Variants in RIN2 observed in about 807,000 individuals in gnomAD.
The protein encoded by RIN2 is RAB5 interacting protein 2.
A neutral mutation model predicts 78.0 loss-of-function variants in RIN2; 36 were observed. That is an observed-to-expected ratio of 0.46 (90% CI 0.35 to 0.61). The LOEUF (loss-of-function observed/expected upper bound fraction) is 0.61, where lower values mean the gene tolerates loss of function less well. Ranked by LOEUF, RIN2 falls within the 20% of genes least tolerant of loss-of-function variation. RIN2 has a pLI of 0.00. For synonymous variants in RIN2, 466 were observed against 466.8 expected, an observed-to-expected ratio of 1.00 and a Z score of 0.02; for missense variants, 1,087 against 1,159.7, an observed-to-expected ratio of 0.94 and a Z score of 0.91.
At position 19,975,222 on chromosome 20, in the gene RIN2, C is replaced by G; in HGVS notation, c.1197C>G (p.Ala399=). The G allele has an allele frequency of 6.3e-7, 1 of 1,588,840 alleles. No homozygotes were observed. The highest frequency in any genetic ancestry group is 1.1e-5 in the South Asian group (1 of 88,832). ...ELGTAGSPGG[A]PPEAAPGDCT... ...GCACAGCTGGCAGCCCAGGTGGGGC[C>G]CCGCCTGAGGCCGCCCCGGGGGATT... The change falls in exon 9 of 13, where the codon GCC becomes GCG. Residue 399 remains alanine, a synonymous_variant. Transcript: ENST00000255006. The surrounding 1 kb of genome is among the most constrained non-coding windows in gnomAD (Gnocchi z 4.9).
chr20:19,941,291 C>T (rs1418156250), intron 4 of RIN2, among the ~76,000 whole-genome samples: 2 of 152,176 alleles, frequency 1.3e-5, no homozygotes, highest in African/African-American at 4.8e-5. Flanking sequence ...TTGTTCACTT[C>T]TTCACTTGCC....
At chr20:19,812,213 T>G (rs1409945018) in intron 2 of RIN2, among the ~76,000 whole-genome samples, 1 of 152,224 alleles carries the variant, frequency 6.6e-6, no homozygotes, top group Non-Finnish European at 1.5e-5. Flanking sequence ...ATATTTTCAC[T>G]TCTCTTGAGT....
chr20:19,838,994 G>A (rs1215445601), intron 2 of RIN2, among the ~76,000 whole-genome samples: 2 of 152,120 alleles, frequency 1.3e-5, no homozygotes, highest in Non-Finnish European at 2.9e-5. Context: ...ATCCATGAGT[G>A]GACCAACCTG....
chr20:19,938,460 A>G (rs920989899), intron 4 of RIN2, among the ~76,000 whole-genome samples: 4 of 151,956 alleles, frequency 2.6e-5, no homozygotes, highest in African/African-American at 4.8e-5. Flanking sequence ...CCTAGGCTCA[A>G]GGGATCCTCC....
intron 2 of RIN2, among the ~76,000 whole-genome samples, chr20:19,813,125 C>T (rs74807831): frequency 6.6e-6 from 1 of 152,172 alleles, no homozygotes; most frequent in Admixed American, 6.5e-5. Context: ...AGTGGCCTCT[C>T]GGACAGTCAG....
intron 9 of RIN2, among the ~76,000 whole-genome samples, chr20:19,982,338 G>A (rs141902426): frequency 2.0e-5 from 3 of 152,246 alleles, no homozygotes; most frequent in African/African-American, 7.2e-5. Context: ...ATTCAGACTT[G>A]GCATCTGACC....
At chr20:19,990,862 A>G (rs1338415926) in intron 10 of RIN2, among the ~76,000 whole-genome samples, 1 of 152,230 alleles carries the variant, frequency 6.6e-6, no homozygotes, top group African/African-American at 2.4e-5. Context: ...ATGAGGCCTC[A>G]TTAGAGCCGC....
chr20:19,808,757 G>A (rs1449676748), intron 2 of RIN2, among the ~76,000 whole-genome samples: 1 of 152,228 alleles, frequency 6.6e-6, no homozygotes, highest in Non-Finnish European at 1.5e-5. Flanking sequence ...CTCAGCTGCT[G>A]CTGGCCCCCT....
chr20:19,970,277 T>G (rs972538160), intron 7 of RIN2, among the ~76,000 whole-genome samples: 1 of 152,224 alleles, frequency 6.6e-6, no homozygotes, highest in African/African-American at 2.4e-5. Flanking sequence ...TATCTGTACA[T>G]TAGAGAAGCT....
chr20:19,854,238 T>C (rs1323394834), intron 2 of RIN2, among the ~76,000 whole-genome samples: 1 of 152,222 alleles, frequency 6.6e-6, no homozygotes, highest in East Asian at 1.9e-4. Flanking sequence ...CATTGGTCTA[T>C]ATCTCTGTTT....
chr20:19,860,870 T>A (rs1006351643), intron 2 of RIN2, among the ~76,000 whole-genome samples: 1 of 152,156 alleles, frequency 6.6e-6, no homozygotes, highest in Non-Finnish European at 1.5e-5. Flanking sequence ...AATGAATGAC[T>A]AAGTGAACGA....
intron 1 of RIN2, among the ~76,000 whole-genome samples, chr20:19,782,874 G>A (rs149846421): frequency 8.5e-5 from 13 of 152,326 alleles, no homozygotes; most frequent in Non-Finnish European, 1.6e-4. Context: ...GGTGTTTGAC[G>A]GTTTGACTGC....
intron 11 of RIN2, among the ~76,000 whole-genome samples, chr20:19,995,963 C>T (rs2042948979): frequency 6.6e-6 from 1 of 152,298 alleles, no homozygotes; most frequent in Middle Eastern, 3.4e-3. Flanking sequence ...TTTCCCCCCA[C>T]CTCCCCGTCA....
intron 11 of RIN2, among the ~76,000 whole-genome samples, chr20:19,996,331 A>C (rs531262598): frequency 1.1e-4 from 17 of 152,236 alleles, no homozygotes; most frequent in African/African-American, 2.9e-4. Context: ...AACAAACAAA[A>C]AAACAAACAA....
chr20:19,930,569 G>A (rs865877545), intron 3 of RIN2, among the ~76,000 whole-genome samples: 19 of 152,230 alleles, frequency 1.2e-4, no homozygotes, highest in African/African-American at 4.1e-4. Flanking sequence ...AATGTACCCA[G>A]TGACGGGGCT....
chr20:19,892,668 C>T (rs895722091), intron 3 of RIN2, among the ~76,000 whole-genome samples: 1 of 152,264 alleles, frequency 6.6e-6, no homozygotes, highest in African/African-American at 2.4e-5. Flanking sequence ...TGAGCCACCG[C>T]ACCCAGCCTC....
intron 2 of RIN2, among the ~76,000 whole-genome samples, chr20:19,842,683 A>G (rs1014340362): frequency 3.9e-5 from 6 of 152,152 alleles, no homozygotes; most frequent in African/African-American, 1.4e-4. Context: ...ACTGAGATGT[A>G]AGAAGAGATT....
intron 3 of RIN2, among the ~76,000 whole-genome samples, chr20:19,898,698 G>A (rs954796317): frequency 6.6e-6 from 1 of 152,166 alleles, no homozygotes; most frequent in Admixed American, 6.6e-5. Context: ...ACCTCACTGT[G>A]TCTGATCTCT....
chr20:19,978,706 C>G (rs1028205159), intron 9 of RIN2, among the ~76,000 whole-genome samples: 1 of 152,198 alleles, frequency 6.6e-6, no homozygotes, highest in African/African-American at 2.4e-5. Flanking sequence ...CTTGGCTCTC[C>G]TGGTTGGAGA....
Sources: allele counts gnomAD v4.1 joint callset (sites outside exome capture counted in the v4.1 genomes callset), GRCh38; gene constraint gnomAD v4.1.1; non-coding constraint Gnocchi (gnomAD v3.1); transcripts MANE v1.5; gene names NCBI Gene and HGNC (gene_info 2026-07-23, HGNC 2026-07-21).